ANKIB1: variants seen among roughly 807,000 people sequenced by gnomAD.
ANKIB1 encodes ankyrin repeat and IBR domain-containing protein 1.
A neutral mutation model predicts 122.1 loss-of-function variants in ANKIB1; 43 were observed. The ratio of observed to expected loss-of-function variants is 0.35; its 90% CI spans 0.28 to 0.45. The LOEUF (loss-of-function observed/expected upper bound fraction) is 0.45. Ranked by LOEUF, ANKIB1 falls within the 20% of genes least tolerant of loss-of-function variation. The pLI, the probability that ANKIB1 is intolerant of heterozygous loss-of-function variation, is 1.00. For missense variants in ANKIB1, 992 were observed against 1,329.5 expected, an observed-to-expected ratio of 0.75 and a Z score of 3.95; for synonymous variants, 390 against 442.0, an observed-to-expected ratio of 0.88 and a Z score of 1.48.
intron 5 of ANKIB1, 82 bp from the exon 6 acceptor site, chr7:92,342,942 C>A: frequency 7.7e-7 from 1 of 1,298,342 alleles, no homozygotes; most frequent in South Asian, 1.3e-5. Context: ...ATTTGTAATT[C>A]TCATATTTTT....
chr7:92,312,135 G>C lies in ANKIB1; in HGVS notation c.486+4479G>C, dbSNP rs192294913. On this transcript the variant is annotated intron_variant, in intron 3 of 19. Coordinates refer to ENST00000265742, the MANE Select transcript of ANKIB1 (RefSeq NM_019004.2). The stretch of plus-strand genomic sequence containing the variant: ...TGGCAGAGTAGACCTCTGTCTCTTT[G>C]GACCAGTTCCTCCATTTATTTCTGT... 7.2e-3 allele frequency among the ~76,000 whole-genome samples: 1,099 copies of C among 151,848 alleles called. 11 individuals are homozygous for C. Among genetic ancestry groups the C allele is most frequent in the Non-Finnish European group, 8.2e-3 (557 of 67,926 alleles).
intron 9 of ANKIB1, among the ~76,000 whole-genome samples, chr7:92,359,213 C>T (rs1803889814): frequency 6.6e-6 from 1 of 152,118 alleles, no homozygotes; most frequent in Non-Finnish European, 1.5e-5. Context: ...TAATGCTATC[C>T]CTCTCCTAGC....
At chr7:92,354,056 C>T (rs1803726925) in intron 9 of ANKIB1, among the ~76,000 whole-genome samples, 1 of 152,302 alleles carries the variant, frequency 6.6e-6, no homozygotes, top group East Asian at 1.9e-4. Context: ...ACTGTGGTTT[C>T]TGTGATCTAG....
At chr7:92,288,388 G>A (rs949599873) in intron 1 of ANKIB1, among the ~76,000 whole-genome samples, 9 of 152,122 alleles carry the variant, frequency 5.9e-5, no homozygotes, top group Non-Finnish European at 1.3e-4. Flanking sequence ...CATGGATTAG[G>A]AGACTTAATA....
At chr7:92,394,505 G>A (rs190384154) in intron 17 of ANKIB1, among the ~76,000 whole-genome samples, 47 of 152,134 alleles carry the variant, frequency 3.1e-4, no homozygotes, top group Middle Eastern at 3.4e-3. Context: ...GCTTTTAAAC[G>A]GTTTCATTTT....
intron 2 of ANKIB1, among the ~76,000 whole-genome samples, chr7:92,296,268 G>A (rs144792934): frequency 6.8e-4 from 103 of 151,708 alleles, no homozygotes; most frequent in African/African-American, 2.4e-3. Context: ...TGTCACTCAG[G>A]CTGGAGTGTA....
Position 92,397,713 on chromosome 7 carries a change from T to A in ANKIB1, c.2396-10T>A. On this transcript the variant is annotated splice_polypyrimidine_tract_variant and intron_variant, in intron 18 of 19. Coordinates refer to ENST00000265742, the MANE Select transcript of ANKIB1 (RefSeq NM_019004.2). Reference sequence around the variant, plus strand: ...CTAAATTGTCTTTGGTACCAATTGCTTTGAAACAGATATTCCAGAAGGCGG... The same window carrying A: ...CTAAATTGTCTTTGGTACCAATTGCATTGAAACAGATATTCCAGAAGGCGG... 6.2e-7 allele frequency: 1 copy of A among 1,609,968 alleles called. No individual in the cohort carries two copies.
chr7:92,275,215 TTTTC>T (rs1234112234), intron 1 of ANKIB1, among the ~76,000 whole-genome samples: 5 of 152,196 alleles, frequency 3.3e-5, no homozygotes, highest in African/African-American at 1.2e-4. Context: ...ATTTATCCTT[TTTTC>T]TTAATTTATT....
At chr7:92,335,796 A>G (rs1440064467) in intron 5 of ANKIB1, among the ~76,000 whole-genome samples, 2 of 151,706 alleles carry the variant, frequency 1.3e-5, no homozygotes, top group Non-Finnish European at 1.5e-5. Context: ...TAGGTCTTCC[A>G]TTTCACTGTT....
Position 92,266,830 on chromosome 7 carries a change from C to T in ANKIB1, c.-91+20311C>T, listed in dbSNP as rs1801681119. On this transcript the variant is annotated intron_variant, in intron 1 of 19. Transcript: ENST00000265742. ...GCCTACTGAGAGAAACAGAGCAAAA[C>T]CAGGAAAAGAATCCTTTCTCCTGTG... Among the ~76,000 whole-genome samples the T allele has an allele frequency of 2.6e-5, 4 of 152,280 alleles. No homozygotes were observed. In the South Asian group the frequency reaches 8.3e-4, roughly 32 times the overall value.
Position 92,399,921 on chromosome 7 carries a change from T to C in ANKIB1, c.*972T>C, listed in dbSNP as rs561579734. The C allele has an allele frequency of 1.8e-4, 27 of 152,308 alleles. 1 individual carries two copies. In the South Asian group the frequency reaches 5.4e-3, roughly 30 times the overall value. 9.4% of individuals were successfully genotyped at this position (152,308 alleles called of 1,614,324 possible). On this transcript the variant is annotated 3_prime_UTR_variant, in exon 20 of 20. Transcript: ENST00000265742. ...GGGTGCAATTACTTTTAATCGTGTTTTATAAAATAGAAAAAAAGTGGAGTT... is the reference window on the plus strand; with the variant it reads ...GGGTGCAATTACTTTTAATCGTGTTCTATAAAATAGAAAAAAAGTGGAGTT...
intron 1 of ANKIB1, among the ~76,000 whole-genome samples, chr7:92,252,745 A>G (rs1006612762): frequency 4.5e-4 from 68 of 152,142 alleles, no homozygotes; most frequent in African/African-American, 1.4e-3. Flanking sequence ...GTCTGCCCGT[A>G]TATCATGCCC....
rs182186592 is a variant in ANKIB1 at position 92,379,341 on chromosome 7, G to A, written c.1618-7168G>A. ...TGGGAGGCAGAGCTTGCAGTGAGCC[G>A]AGTTACTGCCACTGCACTCCAGCCT... On this transcript the variant is annotated intron_variant, in intron 11 of 19. Transcript: ENST00000265742. 1.2e-4 allele frequency among the ~76,000 whole-genome samples: 19 copies of A among 152,258 alleles called. No homozygotes were observed. The East Asian group carries it at 2.7e-3, about 22-fold the overall frequency.
chr7:92,368,165 T>A (rs907808599), intron 10 of ANKIB1, among the ~76,000 whole-genome samples: 50 of 152,014 alleles, frequency 3.3e-4, no homozygotes, highest in African/African-American at 1.1e-3. Context: ...CTAAAAAAAA[T>A]TAAAAATAAA....
At chr7:92,369,806 TAAAAC>T (rs1245162760) in intron 10 of ANKIB1, among the ~76,000 whole-genome samples, 6 of 152,030 alleles carry the variant, frequency 3.9e-5, no homozygotes, top group East Asian at 1.9e-4. Context: ...AAAAAGAAAA[TAAAAC>T]AAAACCAACT....
At chr7:92,383,997 C>A (rs1250961739) in intron 11 of ANKIB1, among the ~76,000 whole-genome samples, 1 of 152,202 alleles carries the variant, frequency 6.6e-6, no homozygotes, top group Non-Finnish European at 1.5e-5. Context: ...ACCCCATCAT[C>A]TCAGCCCAAA....
chr7:92,378,096 A>G (rs1280908844), intron 11 of ANKIB1, among the ~76,000 whole-genome samples: 1 of 152,232 alleles, frequency 6.6e-6, no homozygotes, highest in East Asian at 1.9e-4. Context: ...AAAACTCTAC[A>G]GATATTAGCA....
At chr7:92,313,928 A>G (rs1021651381) in intron 3 of ANKIB1, among the ~76,000 whole-genome samples, 31 of 152,280 alleles carry the variant, frequency 2.0e-4, no homozygotes, top group Admixed American at 1.8e-3. Flanking sequence ...AAAGGAGGAT[A>G]GAGGATGTAC....
At chr7:92,338,890 C>T (rs1358427660) in intron 5 of ANKIB1, among the ~76,000 whole-genome samples, 6 of 98,308 alleles carry the variant, frequency 6.1e-5, no homozygotes, top group Admixed American at 1.6e-4. Flanking sequence ...CCAGCCTGGG[C>T]GACAGAGTGA....
Sources: allele counts gnomAD v4.1 joint callset (sites outside exome capture counted in the v4.1 genomes callset), GRCh38; gene constraint gnomAD v4.1.1; transcripts MANE v1.5; gene names NCBI Gene and HGNC (gene_info 2026-07-23, HGNC 2026-07-21).